The following CCNI variants were observed in gnomAD, a reference collection of about 807,000 sequenced individuals.
CCNI encodes cyclin-I.
Under a neutral mutation model 34.1 loss-of-function variants are expected in CCNI, and 14 were observed. The observed-to-expected ratio is 0.41, with a 90% CI of 0.27 to 0.64. The LOEUF (loss-of-function observed/expected upper bound fraction) is 0.64. Ranked by LOEUF, CCNI falls within the 30% of genes least tolerant of loss-of-function variation. The pLI, the probability that CCNI is intolerant of heterozygous loss-of-function variation, is 0.31. For synonymous variants in CCNI, 154 were observed against 158.4 expected (o/e 0.97, Z 0.21); for missense variants, 385 against 440.5 (o/e 0.87, Z 1.13).
chr4:77,053,825 C>G (rs773285635), intron 6 of CCNI, among the ~76,000 whole-genome samples: 49 of 152,242 alleles, frequency 3.2e-4, no homozygotes, highest in Admixed American at 2.2e-3. Context: ...AGTAAATTTT[C>G]TGTGTCATAT....
Position 77,047,699 on chromosome 4 carries a change from C to CAATTAATATGGGACAATTAATATGGGA in CCNI, c.*519_*520insTCCCATATTAATTGTCCCATATTAATT. 6.6e-6 allele frequency: 1 copy of CAATTAATATGGGACAATTAATATGGGA among 152,464 alleles called. No individual in the cohort carries two copies. The highest frequency in any genetic ancestry group is 1.5e-5 in the Non-Finnish European group (1 of 68,310). The allele number at this position is 152,464 out of a possible 1,614,324, so 9.4% of individuals were successfully genotyped here. A position where few individuals can be genotyped will look rare whatever the true frequency, so the allele number is the denominator to read the frequency against. On this transcript the variant is annotated 3_prime_UTR_variant, in exon 7 of 7. Transcript: ENST00000237654. ...CATCTCTGATTAATATGGGACAATT[C>CAATTAATATGGGACAATTAATATGGGA]CAAAGTACCCTTTTCAGACTAATTG...
intron 3 of CCNI, chr4:77,056,612 C>G (rs4252890): frequency 0.25 from 55,091 of 218,404 alleles, 8,236 homozygotes; most frequent in East Asian, 0.37. Context: ...TTTTTTGAGA[C>G]GGAGTCTTGG....
chr4:77,068,852 T>C (rs1412936387), intron 1 of CCNI, among the ~76,000 whole-genome samples: 1 of 152,198 alleles, frequency 6.6e-6, no homozygotes, highest in African/African-American at 2.4e-5. Flanking sequence ...ACTCCACATA[T>C]GCTACCTATT....
At position 77,048,641 on chromosome 4, in the gene CCNI, G is replaced by T. The variant is rs1578228840; in HGVS notation, c.712C>A (p.His238Asn). ...TGATGTGCCACAAGCTCCCGACAAT[G>T]GATCAACTGGGAGCTATCCATCTGG... Reference protein sequence around the residue: ...KAQMDSSQLIHCRELVAHHLS... With the variant: ...KAQMDSSQLINCRELVAHHLS... Residue 238 changes from histidine to asparagine, a missense_variant, in exon 7 of 7, where the codon CAT (histidine) becomes AAT (asparagine). This residue lies in a region of CCNI where 250 missense variants were observed against 248.7 expected (regional missense o/e 1.01). Transcript: ENST00000237654. The T allele has an allele frequency of 6.5e-7, 1 of 1,542,922 alleles. No homozygotes were observed. Among genetic ancestry groups the T allele is most frequent in the Non-Finnish European group, 8.7e-7 (1 of 1,143,506 alleles).
At chr4:77,063,670 G>A (rs1259614916) in intron 2 of CCNI, among the ~76,000 whole-genome samples, 7 of 147,682 alleles carry the variant, frequency 4.7e-5, no homozygotes, top group Admixed American at 6.7e-5. Flanking sequence ...AGCCTGGGCA[G>A]CAGAGCAAGA....
At chr4:77,059,133 G>A (rs1254701352) in intron 2 of CCNI, among the ~76,000 whole-genome samples, 2 of 152,016 alleles carry the variant, frequency 1.3e-5, no homozygotes, top group African/African-American at 4.8e-5. Flanking sequence ...AGGGACAACA[G>A]ATGAATTATA....
chr4:77,048,218 A>C lies in CCNI; in HGVS notation c.*1T>G. The C allele has an allele frequency of 6.2e-7, 1 of 1,610,362 alleles. No homozygotes were observed. The highest frequency in any genetic ancestry group is 8.5e-7 in the Non-Finnish European group (1 of 1,177,582). On this transcript the variant is annotated 3_prime_UTR_variant, in exon 7 of 7. Transcript: ENST00000237654. ...ACACTCAAAGGTAGCACTTGTTGAAACTACATGACAGAAACAGGCTGCAAA... is the reference window on the plus strand; with the variant it reads ...ACACTCAAAGGTAGCACTTGTTGAACCTACATGACAGAAACAGGCTGCAAA...
intron 1 of CCNI, among the ~76,000 whole-genome samples, chr4:77,068,534 T>C (rs75694505): frequency 0.012 from 1,884 of 151,976 alleles, 44 homozygotes; most frequent in African/African-American, 0.043. Context: ...GAGGAAAGAG[T>C]TGGGAGTAGT....
chr4:77,047,370 A>T lies in CCNI; in HGVS notation c.*849T>A, dbSNP rs1422143296. The T allele has an allele frequency of 6.6e-6, 1 of 152,190 alleles. No individual in the cohort carries two copies. The highest frequency in any genetic ancestry group is 2.4e-5 in the African/African-American group (1 of 41,448). 9.4% of individuals were successfully genotyped at this position (152,190 alleles called of 1,614,324 possible). On this transcript the variant is annotated 3_prime_UTR_variant, in exon 7 of 7. Transcript: ENST00000237654. ...TCAGTTATAACATGTTACAGACTTA[A>T]ATCATAGAGCTGCCCCAACATCTAG...
chr4:77,073,979 G>T (rs866183170), intron 1 of CCNI, among the ~76,000 whole-genome samples: 1 of 149,178 alleles, frequency 6.7e-6, no homozygotes, highest in Non-Finnish European at 1.5e-5. Context: ...ACAATTTGAT[G>T]AAACTGTGGA....
chr4:77,066,148 T>C (rs1320188283), intron 2 of CCNI, 101 bp downstream of exon 2: 9 of 933,978 alleles, frequency 9.6e-6, no homozygotes, highest in Non-Finnish European at 8.3e-6. Flanking sequence ...CATCCTTAAA[T>C]GGTACACACT....
chr4:77,055,843 GA>G (rs1241094221), intron 5 of CCNI, 118 bp downstream of exon 5: 11 of 787,754 alleles, frequency 1.4e-5, no homozygotes, highest in Non-Finnish European at 1.8e-5. Context: ...TTTTTCCTTG[GA>G]TATCAAGTTT....
intron 2 of CCNI, among the ~76,000 whole-genome samples, chr4:77,060,809 G>A (rs963153731): frequency 1.1e-4 from 17 of 152,094 alleles, no homozygotes; most frequent in Non-Finnish European, 1.6e-4. Flanking sequence ...ATTTTTAGTA[G>A]AGATGGGGTT....
chr4:77,062,861 C>T (rs1048086749), intron 2 of CCNI, among the ~76,000 whole-genome samples: 17 of 152,160 alleles, frequency 1.1e-4, no homozygotes, highest in African/African-American at 4.1e-4. Flanking sequence ...CTTGAAAGTA[C>T]TATTACATAA....
intron 3 of CCNI, among the ~76,000 whole-genome samples, chr4:77,057,018 C>T (rs753507580): frequency 6.6e-5 from 10 of 152,064 alleles, no homozygotes; most frequent in Non-Finnish European, 1.2e-4. Flanking sequence ...AGAAAAAAAG[C>T]TTGATTTAGA....
chr4:77,071,718 C>G (rs1157446924), intron 1 of CCNI, among the ~76,000 whole-genome samples: 2 of 152,098 alleles, frequency 1.3e-5, no homozygotes, highest in African/African-American at 4.8e-5. Flanking sequence ...TTATGAACAA[C>G]TGTGTGCAAC....
At chr4:77,067,216 G>A (rs1729096931) in intron 1 of CCNI, among the ~76,000 whole-genome samples, 1 of 151,788 alleles carries the variant, frequency 6.6e-6, no homozygotes, top group Non-Finnish European at 1.5e-5. Flanking sequence ...TGGGCAACAG[G>A]GTGACACTCC....
intron 2 of CCNI, among the ~76,000 whole-genome samples, chr4:77,062,343 A>G (rs1308174825): frequency 1.3e-5 from 2 of 152,204 alleles, no homozygotes; most frequent in Non-Finnish European, 2.9e-5. Flanking sequence ...AAGGCAGGAA[A>G]ACTGCTTGAG....
Position 77,075,638 on chromosome 4 carries a change from T to G in CCNI, c.-210A>C, listed in dbSNP as rs1428875432. 4 of 904,888 alleles carry G rather than the reference T, an allele frequency of 4.4e-6. No individual in the cohort carries two copies. Among genetic ancestry groups the G allele is most frequent in the African/African-American group, 1.9e-5 (1 of 53,280 alleles). 56.1% of individuals were successfully genotyped at this position (904,888 alleles called of 1,614,324 possible). A position where few individuals can be genotyped will look rare whatever the true frequency, so the allele number is the denominator to read the frequency against. The stretch of plus-strand genomic sequence containing the variant: ...TGAGGAGGGAGAAAGGGGAAGCGGA[T>G]CGGGGGGCGCGGGCGCGGGCGCTGG... On this transcript the variant is annotated 5_prime_UTR_variant, in exon 1 of 7. Transcript: ENST00000237654.
Sources: gnomAD v4.1 joint callset for allele counts (sites outside exome capture counted in the v4.1 genomes callset) on GRCh38, gnomAD v4.1.1 for gene constraint, gnomAD v4.1.1 regional missense constraint, MANE v1.5 for transcripts, NCBI Gene and HGNC (gene_info 2026-07-23, HGNC 2026-07-21) for gene names.